Variants in CYP4F11 observed in about 807,000 individuals in gnomAD.
CYP4F11 encodes cytochrome P450 family 4 subfamily F member 11.
CYP4F11 carries 79 observed loss-of-function variants against 62.2 expected under a neutral mutation model. The observed-to-expected ratio is 1.27, with a 90% CI of 1.06 to 1.53. The LOEUF (loss-of-function observed/expected upper bound fraction) is 1.53. Among genes scored for constraint, CYP4F11 ranks in the 40% most tolerant of loss-of-function variants. The pLI is 0.00. For missense variants in CYP4F11, 777 were observed against 680.5 expected (o/e 1.14, Z -1.58); for synonymous variants, 290 against 263.7 (o/e 1.10, Z -0.97).
chr19:15,934,446 G>T lies in CYP4F11; in HGVS notation c.-38C>A. ...ACGGGATGGAGGGTGGGATCCTGAG[G>T]CCCAGGGAAGGGCCCAGGAAGCTCC... On this transcript the variant is annotated 5_prime_UTR_variant, in exon 1 of 12. Coordinates refer to ENST00000402119, the MANE Select transcript of CYP4F11 (RefSeq NM_021187.4). 1 of 1,606,570 alleles carries T rather than the reference G, an allele frequency of 6.2e-7. No individual in the cohort carries two copies. The highest frequency in any genetic ancestry group is 8.5e-7 in the Non-Finnish European group (1 of 1,177,610).
At chr19:15,919,455 A>G (rs957014571) in intron 8 of CYP4F11, among the ~76,000 whole-genome samples, 2 of 124,274 alleles carry the variant, frequency 1.6e-5, no homozygotes, top group South Asian at 4.8e-4. Flanking sequence ...TGGATGGATG[A>G]ACGGATGGAC....
intron 8 of CYP4F11, among the ~76,000 whole-genome samples, chr19:15,921,052 C>T (rs1396839314): frequency 8.5e-6 from 1 of 117,064 alleles, no homozygotes; most frequent in African/African-American, 3.9e-5. Flanking sequence ...CTCTCTCTTT[C>T]TGTCTCTCTC....
At chr19:15,931,284 A>G (rs1366522983) in intron 1 of CYP4F11, among the ~76,000 whole-genome samples, 1 of 151,824 alleles carries the variant, frequency 6.6e-6, no homozygotes, top group South Asian at 2.1e-4. Flanking sequence ...AGCAGCACAG[A>G]GATGGGCAGA....
chr19:15,927,828 T>C, intron 2 of CYP4F11: 2 of 266,794 alleles, frequency 7.5e-6, no homozygotes, highest in African/African-American at 2.2e-5. Flanking sequence ...CTCTGCTATC[T>C]TCTGACATGG....
intron 8 of CYP4F11, among the ~76,000 whole-genome samples, chr19:15,921,081 T>C (rs1313573415): frequency 2.3e-4 from 4 of 17,198 alleles, no homozygotes; most frequent in East Asian, 6.7e-4. Flanking sequence ...TCTCTCTCTC[T>C]CTCTCTCTCT....
At chr19:15,914,701 C>A (rs746834736) in intron 9 of CYP4F11, 35 bp from the exon 10 acceptor site, 1 of 1,614,004 alleles carries the variant, frequency 6.2e-7, no homozygotes, top group Non-Finnish European at 8.5e-7. Context: ...GGACAAGGCC[C>A]CCCTGCCTGA....
At chr19:15,918,670 A>G (rs1024055749) in intron 8 of CYP4F11, among the ~76,000 whole-genome samples, 7 of 152,194 alleles carry the variant, frequency 4.6e-5, no homozygotes, top group African/African-American at 1.7e-4. Context: ...ATTTAGCAAA[A>G]GTCTGAAACA....
At chr19:15,918,933 TAAA>T (rs34830276) in intron 8 of CYP4F11, among the ~76,000 whole-genome samples, 3 of 127,900 alleles carry the variant, frequency 2.3e-5, no homozygotes, top group Admixed American at 7.9e-5. Flanking sequence ...TATGCCATGC[TAAA>T]AAAAAAAAAA....
rs1310321753 is a variant in CYP4F11 at position 15,931,542 on chromosome 19, G to GA, written c.199-1942_199-1941insT. Among the ~76,000 whole-genome samples, 388 of 102,724 alleles carry GA rather than the reference G, an allele frequency of 3.8e-3. 81 individuals carry two copies. Among genetic ancestry groups the GA allele is most frequent in the Admixed American group, 6.5e-3 (70 of 10,784 alleles). The allele number at this position is 102,724 out of a possible 152,430, so 67.4% of individuals were successfully genotyped here. A position where few individuals can be genotyped will look rare whatever the true frequency, so the allele number is the denominator to read the frequency against. ...TGGCACATCAGAGGAATGAGTGAGC[G>GA]GGGAGAGGAATGAGTGAGCGAGGAG... On this transcript the variant is annotated intron_variant, in intron 1 of 11. Coordinates refer to ENST00000402119, the MANE Select transcript of CYP4F11 (RefSeq NM_021187.4).
chr19:15,931,663 A>G (rs377344171), intron 1 of CYP4F11, among the ~76,000 whole-genome samples: 479 of 24,718 alleles, frequency 0.019, 19 homozygotes, highest in East Asian at 0.068. Flanking sequence ...TGAGTGAGCG[A>G]GGAGAGGAAT....
chr19:15,927,678 G>C lies in CYP4F11; in HGVS notation c.344-195C>G, dbSNP rs1599379033. On this transcript the variant is annotated intron_variant, in intron 2 of 11. Transcript: ENST00000402119. ...CAGACCAGGCTGCAGCGACAGAGTAGAGCAATAACACAGCATGCCCCAGCA... is the reference window on the plus strand; with the variant it reads ...CAGACCAGGCTGCAGCGACAGAGTACAGCAATAACACAGCATGCCCCAGCA... 4.6e-6 allele frequency: 3 copies of C among 654,206 alleles called. No homozygotes were observed. In the East Asian group the frequency reaches 8.1e-5, roughly 18 times the overall value. 40.5% of individuals were successfully genotyped at this position (654,206 alleles called of 1,614,324 possible). A position where few individuals can be genotyped will look rare whatever the true frequency, so the allele number is the denominator to read the frequency against.
intron 7 of CYP4F11, 76 bp from the exon 8 acceptor site, chr19:15,922,242 G>T (rs1846867764): frequency 6.3e-7 from 1 of 1,594,924 alleles, no homozygotes; most frequent in Non-Finnish European, 8.6e-7. Flanking sequence ...AAACTCTGAG[G>T]CCCTCAGGAG....
chr19:15,913,803 G>A lies in CYP4F11; in HGVS notation c.1504C>T (p.Pro502Ser), dbSNP rs754787381. ...CCCTCTGCGCGCAATATCAGCTCGG[G>A]TTTCCTGCGGGGTTCAGTGTGGGTC... ...LPTHTEPRRK[P>S]ELILRAEGGL... Residue 502 changes from proline (P) to serine (S), a missense_variant, in exon 12 of 12, where the codon CCC (proline) becomes TCC (serine). Transcript: ENST00000402119. The A allele has an allele frequency of 3.1e-6, 5 of 1,614,096 alleles. No homozygotes were observed. In the African/African-American group the frequency reaches 4.0e-5, roughly 13 times the overall value.
chr19:15,934,073 T>C (rs2089755298), intron 1 of CYP4F11, 138 bp downstream of exon 1: 1 of 728,322 alleles, frequency 1.4e-6, no homozygotes, highest in African/African-American at 1.8e-5. Flanking sequence ...GGCAGAGGAA[T>C]GAGTGAGCTG....
At chr19:15,920,008 A>G (rs2089613504) in intron 8 of CYP4F11, among the ~76,000 whole-genome samples, 1 of 152,184 alleles carries the variant, frequency 6.6e-6, no homozygotes, top group African/African-American at 2.4e-5. Flanking sequence ...TATTATATGC[A>G]TGGTGACTAC....
At chr19:15,931,013 T>A (rs986777140) in intron 1 of CYP4F11, among the ~76,000 whole-genome samples, 1 of 152,314 alleles carries the variant, frequency 6.6e-6, no homozygotes, top group Admixed American at 6.5e-5. Flanking sequence ...ACCAAGGCCA[T>A]GTCCCCCAAA....
intron 5 of CYP4F11, 86 bp from the exon 6 acceptor site, chr19:15,924,168 A>T (rs527510508): frequency 2.6e-5 from 39 of 1,499,214 alleles, no homozygotes; most frequent in African/African-American, 4.2e-5. Flanking sequence ...CCATCAGGAA[A>T]TTGAGTATCC....
chr19:15,925,790 T>C (rs918775487), intron 4 of CYP4F11, among the ~76,000 whole-genome samples: 1 of 150,374 alleles, frequency 6.7e-6, no homozygotes. Context: ...TTCTCAGAAT[T>C]GTGTTTGCAG....
At chr19:15,918,341 C>T (rs1230910260) in intron 8 of CYP4F11, among the ~76,000 whole-genome samples, 1 of 152,018 alleles carries the variant, frequency 6.6e-6, no homozygotes, top group Non-Finnish European at 1.5e-5. Flanking sequence ...GGATGCTGGG[C>T]TTAATACCAA....
Sources: gnomAD v4.1 joint callset for allele counts (sites outside exome capture counted in the v4.1 genomes callset) on GRCh38, gnomAD v4.1.1 for gene constraint, MANE v1.5 for transcripts, NCBI Gene and HGNC (gene_info 2026-07-23, HGNC 2026-07-21) for gene names.